GRXCR1: variants seen among roughly 807,000 people sequenced by gnomAD.
The protein encoded by GRXCR1 is glutaredoxin and cysteine rich domain containing 1.
GRXCR1 carries 27 observed loss-of-function variants against 27.3 expected under a neutral mutation model. That is an observed-to-expected ratio of 0.99 (90% CI 0.73 to 1.37). The LOEUF (loss-of-function observed/expected upper bound fraction) is 1.37. Among genes scored for constraint, GRXCR1 ranks in the 40% most tolerant of loss-of-function variants. The probability of loss-of-function intolerance (pLI) is 0.00; values close to 1 mark genes in which losing one functional copy is unlikely to be tolerated. For missense variants in GRXCR1, 379 were observed against 354.4 expected, an observed-to-expected ratio of 1.07 and a Z score of -0.56; for synonymous variants, 122 against 131.1, an observed-to-expected ratio of 0.93 and a Z score of 0.47.
intron 2 of GRXCR1, among the ~76,000 whole-genome samples, chr4:43,012,271 A>T (rs1445879530): frequency 6.6e-6 from 1 of 152,210 alleles, no homozygotes; most frequent in Non-Finnish European, 1.5e-5. Context: ...GTGGAATTTT[A>T]TGACTGGAAC....
intron 1 of GRXCR1, among the ~76,000 whole-genome samples, chr4:42,939,812 C>T (rs1747569645): frequency 6.6e-6 from 1 of 151,976 alleles, no homozygotes; most frequent in Admixed American, 6.6e-5. Flanking sequence ...TGGGTCTCTG[C>T]ATTGTGACCT....
chr4:42,980,747 A>G (rs1231304271), intron 2 of GRXCR1, among the ~76,000 whole-genome samples: 2 of 152,064 alleles, frequency 1.3e-5, no homozygotes, highest in African/African-American at 4.8e-5. Context: ...GTCTCCTACT[A>G]TTATTGCATT....
chr4:42,993,475 A>C (rs949804383), intron 2 of GRXCR1, among the ~76,000 whole-genome samples: 3 of 152,156 alleles, frequency 2.0e-5, no homozygotes, highest in African/African-American at 7.2e-5. Flanking sequence ...TAAACTCATC[A>C]TAAGTGTAAA....
At chr4:42,989,150 A>T (rs905725247) in intron 2 of GRXCR1, among the ~76,000 whole-genome samples, 1 of 152,196 alleles carries the variant, frequency 6.6e-6, no homozygotes, top group Non-Finnish European at 1.5e-5. Context: ...CTCAACTAGG[A>T]CGGGTATAAC....
At chr4:42,931,466 A>G (rs1747303521) in intron 1 of GRXCR1, among the ~76,000 whole-genome samples, 1 of 151,900 alleles carries the variant, frequency 6.6e-6, no homozygotes, top group Non-Finnish European at 1.5e-5. Flanking sequence ...TCTATGGCTG[A>G]TAAAATGTAA....
chr4:42,976,779 T>C (rs2109782462), intron 2 of GRXCR1, among the ~76,000 whole-genome samples: 1 of 152,144 alleles, frequency 6.6e-6, no homozygotes, highest in East Asian at 1.9e-4. Flanking sequence ...TCTAGCTAAT[T>C]AACATAGCAT....
intron 1 of GRXCR1, among the ~76,000 whole-genome samples, chr4:42,958,626 G>C (rs1405182884): frequency 1.3e-5 from 2 of 151,950 alleles, no homozygotes; most frequent in Non-Finnish European, 2.9e-5. Context: ...TGAAAATGCA[G>C]TTAATTGATC....
intron 1 of GRXCR1, among the ~76,000 whole-genome samples, chr4:42,935,607 A>G (rs755768833): frequency 4.6e-5 from 7 of 152,014 alleles, no homozygotes; most frequent in Middle Eastern, 3.4e-3. Context: ...AGATATACAA[A>G]GAAGCTCTGT....
chr4:42,924,341 G>A (rs1323422338), intron 1 of GRXCR1, among the ~76,000 whole-genome samples: 1 of 152,032 alleles, frequency 6.6e-6, no homozygotes, highest in African/African-American at 2.4e-5. Flanking sequence ...GTGTGTGTAA[G>A]GCACCTGGAA....
At chr4:42,972,288 C>T (rs1748406958) in intron 2 of GRXCR1, among the ~76,000 whole-genome samples, 1 of 152,014 alleles carries the variant, frequency 6.6e-6, no homozygotes, top group South Asian at 2.1e-4. Context: ...TTAGAAATTC[C>T]ATCAGAGATC....
chr4:42,958,433 A>G (rs1197048846), intron 1 of GRXCR1, among the ~76,000 whole-genome samples: 1 of 151,978 alleles, frequency 6.6e-6, no homozygotes, highest in Non-Finnish European at 1.5e-5. Flanking sequence ...ATCTAAGTAT[A>G]TGACCCCAAA....
At chr4:43,018,142 A>T (rs551611885) in intron 2 of GRXCR1, among the ~76,000 whole-genome samples, 1 of 152,174 alleles carries the variant, frequency 6.6e-6, no homozygotes, top group Non-Finnish European at 1.5e-5. Context: ...AGTGGAGGGC[A>T]GAGACATGGG....
intron 2 of GRXCR1, 44 bp downstream of exon 2, chr4:42,963,178 A>T: frequency 6.2e-7 from 1 of 1,601,568 alleles, no homozygotes; most frequent in Non-Finnish European, 8.6e-7. Flanking sequence ...GAACCCAACC[A>T]GGGCTGATAG....
intron 1 of GRXCR1, among the ~76,000 whole-genome samples, chr4:42,926,302 G>A (rs1486430282): frequency 6.6e-6 from 1 of 151,960 alleles, no homozygotes; most frequent in Non-Finnish European, 1.5e-5. Flanking sequence ...AAGTATAAAC[G>A]AGAATGTTAG....
Position 42,962,822 on chromosome 4 carries a change from A to G in GRXCR1, c.385-70A>G, listed in dbSNP as rs567060991. 5.1e-6 allele frequency: 8 copies of G among 1,573,960 alleles called. No individual in the cohort carries two copies. The South Asian group carries it at 8.9e-5, about 18-fold the overall frequency. Reference sequence around the variant, plus strand: ...TTGCATGGCTTTAACGCAATTTTTAATTGTCTTAAAATCATAAGACACAAG... The same window carrying G: ...TTGCATGGCTTTAACGCAATTTTTAGTTGTCTTAAAATCATAAGACACAAG... On this transcript the variant is annotated intron_variant, in intron 1 of 3. Transcript: ENST00000399770.
intron 2 of GRXCR1, among the ~76,000 whole-genome samples, chr4:42,999,963 A>T (rs555334623): frequency 6.6e-6 from 1 of 152,364 alleles, no homozygotes; most frequent in East Asian, 1.9e-4. Flanking sequence ...CAAACAATCC[A>T]AAGTTTTGAT....
chr4:42,903,012 A>C (rs952016670), intron 1 of GRXCR1, among the ~76,000 whole-genome samples: 1 of 152,164 alleles, frequency 6.6e-6, no homozygotes, highest in Non-Finnish European at 1.5e-5. Context: ...GAGTATAAAC[A>C]TTATTGAATC....
chr4:43,029,381 C>T (rs1713351915), intron 3 of GRXCR1, among the ~76,000 whole-genome samples: 1 of 151,846 alleles, frequency 6.6e-6, no homozygotes, highest in Admixed American at 6.6e-5. Flanking sequence ...TCAATTATTC[C>T]CTTCACAAAG....
chr4:42,925,583 T>C (rs984074796), intron 1 of GRXCR1, among the ~76,000 whole-genome samples: 1 of 152,032 alleles, frequency 6.6e-6, no homozygotes, highest in African/African-American at 2.4e-5. Context: ...CTTCTCAGAA[T>C]GATATTCTCA....
Sources: allele counts gnomAD v4.1 joint callset (sites outside exome capture counted in the v4.1 genomes callset), GRCh38; gene constraint gnomAD v4.1.1; transcripts MANE v1.5; gene names NCBI Gene and HGNC (gene_info 2026-07-23, HGNC 2026-07-21).